Variants in IPO13 observed in about 807,000 individuals in gnomAD.
IPO13 encodes the protein importin 13.
A neutral mutation model predicts 115.5 loss-of-function variants in IPO13; 28 were observed. The observed-to-expected ratio is 0.24, with a 90% confidence interval of 0.18 to 0.33. The LOEUF (loss-of-function observed/expected upper bound fraction) is 0.33. IPO13 is among the 10% of genes least tolerant of loss of function. IPO13 has a pLI of 1.00. For missense variants in IPO13, 785 were observed against 1,204.6 expected, an observed-to-expected ratio of 0.65 and a Z score of 5.16; for synonymous variants, 414 against 478.9, an observed-to-expected ratio of 0.86 and a Z score of 1.77.
intron 14 of IPO13, 143 bp from the exon 15 acceptor site, chr1:43,964,126 A>G: frequency 3.3e-6 from 2 of 607,502 alleles, no homozygotes; most frequent in South Asian, 2.1e-5. Context: ...TGGTTTTTGT[A>G]TGTTTTGTTT....
chr1:43,967,534 A>AG lies in IPO13; in HGVS notation c.2795+43dup, dbSNP rs1464328781. 6.2e-7 allele frequency: 1 copy of AG among 1,614,050 alleles called. No homozygotes were observed. Among genetic ancestry groups the AG allele is most frequent in the Admixed American group, 1.7e-5 (1 of 60,006 alleles). On this transcript the variant is annotated intron_variant, in intron 19 of 19. Coordinates refer to ENST00000372343, the MANE Select transcript of IPO13 (RefSeq NM_014652.4). The surrounding 1 kb of genome is among the most constrained non-coding windows in gnomAD (Gnocchi z 6.1). Reference sequence around the variant, plus strand: ...GGGGTGGGCCTGGGGTCAGGCAGAGAGGGGGCAGTGGTGGTGGCTGGTGCT... The same window carrying AG: ...GGGGTGGGCCTGGGGTCAGGCAGAGAGGGGGGCAGTGGTGGTGGCTGGTGCT...
intron 2 of IPO13, among the ~76,000 whole-genome samples, chr1:43,953,787 T>A (rs2085225130): frequency 6.6e-6 from 1 of 152,086 alleles, no homozygotes; most frequent in Non-Finnish European, 1.5e-5. Flanking sequence ...GGAGGGAAAG[T>A]GAATTAGGCA....
intron 2 of IPO13, among the ~76,000 whole-genome samples, chr1:43,953,725 T>C (rs1408054708): frequency 6.6e-6 from 1 of 152,186 alleles, no homozygotes; most frequent in African/African-American, 2.4e-5. Flanking sequence ...TATTTTTTTT[T>C]CCTGAACTAT....
Position 43,966,698 on chromosome 1 carries a change from C to G in IPO13, c.2465-26C>G. 1 of 1,614,178 alleles carries G rather than the reference C, an allele frequency of 6.2e-7. No homozygotes were observed. Among genetic ancestry groups the G allele is most frequent in the Non-Finnish European group, 8.5e-7 (1 of 1,180,018 alleles). On this transcript the variant is annotated intron_variant, in intron 16 of 19. Coordinates refer to ENST00000372343, the MANE Select transcript of IPO13 (RefSeq NM_014652.4). The surrounding 1 kb of genome is among the most constrained non-coding windows in gnomAD (Gnocchi z 4.1). Reference sequence around the variant, plus strand: ...GGGCTCCCCTAGAAGGATCGTTAAACTGATCTGCCTCTGCCTTTCCCACAG... The same window carrying G: ...GGGCTCCCCTAGAAGGATCGTTAAAGTGATCTGCCTCTGCCTTTCCCACAG...
chr1:43,949,486 G>T lies in IPO13; in HGVS notation c.154G>T (p.Ala52Ser). ...CCTGGCTCAGAAGTGGCTGATGCAG[G>T]CCCAGGTCTCCCCACAGGCCTGGCA... ...KNLAQKWLMQ[A>S]QVSPQAWHFS... Residue 52 changes from alanine to serine, a missense_variant, in exon 2 of 20, where the codon GCC becomes TCC. Coordinates refer to ENST00000372343, the MANE Select transcript of IPO13 (RefSeq NM_014652.4). 6.2e-7 allele frequency: 1 copy of T among 1,614,036 alleles called. No individual in the cohort carries two copies. The highest frequency in any genetic ancestry group is 8.5e-7 in the Non-Finnish European group (1 of 1,179,978).
chr1:43,956,942 T>A lies in IPO13; in HGVS notation c.1237T>A (p.Ser413Thr). 1 of 1,614,176 alleles carries A rather than the reference T, an allele frequency of 6.2e-7. No homozygotes were observed. The highest frequency in any genetic ancestry group is 8.5e-7 in the Non-Finnish European group (1 of 1,180,020). The change falls in exon 5 of 20, where the codon TCC (serine) becomes ACC (threonine). Residue 413 changes from serine (S) to threonine (T), a missense_variant. By Grantham distance (58) the Ser-to-Thr change is moderately conservative. Transcript: ENST00000372343. This position sits in a 1 kb window ranked among gnomAD's most constrained non-coding sequence, Gnocchi z 4.7. ...FPSDEEYGFW[S>T]SDEKEQFRIY... is the part of the protein sequence containing the mutation. ...TTCTGATGAGGAATATGGATTCTGG[T>A]CCTCAGACGAGAAGGAGCAGTTCCG...
At chr1:43,965,638 A>G (rs1374254567) in intron 15 of IPO13, among the ~76,000 whole-genome samples, 1 of 151,690 alleles carries the variant, frequency 6.6e-6, no homozygotes, top group Non-Finnish European at 1.5e-5. Context: ...TGTTTGGTGT[A>G]TGACTGTGTA....
In IPO13 at chr1:43,957,221, ATGTC is replaced by A; in HGVS notation, c.1300_1303del (p.Val434MetfsTer92). The A allele has an allele frequency of 6.2e-7, 1 of 1,614,028 alleles. No homozygotes were observed. The highest frequency in any genetic ancestry group is 8.5e-7 in the Non-Finnish European group (1 of 1,179,974). On this transcript the variant is annotated frameshift_variant, in exon 6 of 20. Transcript: ENST00000372343. LOFTEE classifies it high-confidence loss of function. ...GTGGACATCTCAGACACGCTCATGT[ATGTC>A]TATGAGATGTTGGGGGCCGAGCTGC... is the stretch of plus-strand genomic sequence containing the variant.
chr1:43,966,504 G>A lies in IPO13; in HGVS notation c.2398-71G>A, dbSNP rs577666423. On this transcript the variant is annotated intron_variant, in intron 15 of 19. Coordinates refer to ENST00000372343, the MANE Select transcript of IPO13 (RefSeq NM_014652.4). This position sits in a 1 kb window ranked among gnomAD's most constrained non-coding sequence, Gnocchi z 4.1. Reference sequence around the variant, plus strand: ...GTGAGGTGTGAAGTTGGGGGCTGGGGTGGCAGGTGAGTGGGGGGGATGGTC... The same window carrying A: ...GTGAGGTGTGAAGTTGGGGGCTGGGATGGCAGGTGAGTGGGGGGGATGGTC... 38 of 1,494,488 alleles carry A rather than the reference G, an allele frequency of 2.5e-5. No individual in the cohort carries two copies. The highest frequency in any genetic ancestry group is 3.4e-5 in the Non-Finnish European group (36 of 1,073,370). 92.6% of individuals were successfully genotyped at this position (1,494,488 alleles called of 1,614,324 possible). A position where few individuals can be genotyped will look rare whatever the true frequency, so the allele number is the denominator to read the frequency against.
Position 43,966,404 on chromosome 1 carries a change from C to A in IPO13, c.2398-171C>A. 1 of 673,234 alleles carries A rather than the reference C, an allele frequency of 1.5e-6. No individual in the cohort carries two copies. The highest frequency in any genetic ancestry group is 3.4e-4 in the Middle Eastern group (1 of 2,900). 41.7% of individuals were successfully genotyped at this position (673,234 alleles called of 1,614,324 possible). A position where few individuals can be genotyped will look rare whatever the true frequency, so the allele number is the denominator to read the frequency against. On this transcript the variant is annotated intron_variant, in intron 15 of 19. Coordinates refer to ENST00000372343, the MANE Select transcript of IPO13 (RefSeq NM_014652.4). This position sits in a 1 kb window ranked among gnomAD's most constrained non-coding sequence, Gnocchi z 4.1. ...CATAGCATCCCTTGAGCTGTCCTCA[C>A]CTGACCTACTGAACTCTGAGGTGGT...
rs749573223 is a variant in IPO13 at position 43,956,692 on chromosome 1, C to T, written c.1095C>T (p.Tyr365=). The part of the protein sequence containing the change: ...TTSSLTLTFW[Y]TLQDDILSFE... ...GCTCCCTAACCCTCACCTTCTGGTA[C>T]ACACTGCAGGTGTGTCTGTGTGACC... Residue 365 remains tyrosine, a synonymous_variant, in exon 4 of 20, where the codon TAC becomes TAT. Transcript: ENST00000372343. This position sits in a 1 kb window ranked among gnomAD's most constrained non-coding sequence, Gnocchi z 4.7. The T allele has an allele frequency of 8.1e-6, 13 of 1,614,254 alleles. No individual in the cohort carries two copies. The Admixed American group carries it at 1.3e-4, about 17-fold the overall frequency.
intron 15 of IPO13, among the ~76,000 whole-genome samples, chr1:43,965,335 T>C (rs1232574659): frequency 2.0e-5 from 3 of 152,078 alleles, no homozygotes; most frequent in African/African-American, 7.2e-5. Context: ...GTGTGATACA[T>C]GCTGTACTTT....
In IPO13 at chr1:43,953,034, C is replaced by T. The variant is rs375872964; in HGVS notation, c.821+2881C>T. On this transcript the variant is annotated intron_variant, in intron 2 of 19. Transcript: ENST00000372343. ...GGGTGATGTGAGGTGTCCTTGGATA[C>T]ACCCAAGTTTACCCGCCCAGCCAGT... is the stretch of plus-strand genomic sequence containing the variant. Among the ~76,000 whole-genome samples, 336 of 152,310 alleles carry T rather than the reference C, an allele frequency of 2.2e-3. 1 individual carries two copies. Among genetic ancestry groups the T allele is most frequent in the African/African-American group, 7.7e-3 (321 of 41,572 alleles).
intron 11 of IPO13, 130 bp from the exon 12 acceptor site, chr1:43,960,119 C>G: frequency 1.3e-6 from 1 of 777,390 alleles, no homozygotes. Context: ...GGGTCCCATG[C>G]CCTGGGTCCT....
At chr1:43,953,184 A>C (rs927811425) in intron 2 of IPO13, 2 of 151,940 alleles carry the variant, frequency 1.3e-5, no homozygotes, top group Non-Finnish European at 2.9e-5. Context: ...TTGCTTAGCA[A>C]CTCTCCCCAT....
Position 43,958,650 on chromosome 1 carries a change from G to C in IPO13, c.1884+55G>C. 6.2e-7 allele frequency: 1 copy of C among 1,612,648 alleles called. No individual in the cohort carries two copies. The highest frequency in any genetic ancestry group is 8.5e-7 in the Non-Finnish European group (1 of 1,179,000). On this transcript the variant is annotated intron_variant, in intron 10 of 19. Transcript: ENST00000372343. This position sits in a 1 kb window ranked among gnomAD's most constrained non-coding sequence, Gnocchi z 6.3. ...TACTGAGATGCTGTGGCTGATGAGG[G>C]GTGAGGTTGGAGCTGGCCCTCAGAG...
Position 43,957,270 on chromosome 1 carries a change from G to C in IPO13, c.1347G>C (p.Lys449Asn), listed in dbSNP as rs373837578. 1.2e-6 allele frequency: 2 copies of C among 1,614,130 alleles called. No individual in the cohort carries two copies. Among genetic ancestry groups the C allele is most frequent in the African/African-American group, 2.7e-5 (2 of 75,026 alleles). ...AGCTGCTCAGCAACCTCTATGACAAGCTGGGTCGTTTGCTCACCAGCTCAG... is the reference window on the plus strand; with the variant it reads ...AGCTGCTCAGCAACCTCTATGACAACCTGGGTCGTTTGCTCACCAGCTCAG... Reference protein sequence around the residue: ...GAELLSNLYDKLGRLLTSSEE... With the variant: ...GAELLSNLYDNLGRLLTSSEE... Residue 449 changes from lysine to asparagine, a missense_variant, in exon 6 of 20, where the codon AAG becomes AAC. By Grantham distance (94) the Lys-to-Asn change is moderately conservative (BLOSUM62 0). Transcript: ENST00000372343.
chr1:43,955,402 G>A (rs1276836259), intron 2 of IPO13, among the ~76,000 whole-genome samples: 1 of 152,116 alleles, frequency 6.6e-6, no homozygotes, highest in Non-Finnish European at 1.5e-5. Flanking sequence ...TGGCTTTAAA[G>A]CCAAACAGAA....
In IPO13 at chr1:43,957,186, G is replaced by C; in HGVS notation, c.1272-9G>C. ...CAGGCAGTATAAAAGGCCTTCATCT[G>C]CTTCTCAGGGTGGACATCTCAGACA... is the stretch of plus-strand genomic sequence containing the variant. On this transcript the variant is annotated splice_polypyrimidine_tract_variant and intron_variant, in intron 5 of 19. Transcript: ENST00000372343. The C allele has an allele frequency of 1.2e-6, 2 of 1,612,994 alleles. No individual in the cohort carries two copies. The highest frequency in any genetic ancestry group is 1.7e-6 in the Non-Finnish European group (2 of 1,179,170).
Sources: allele counts gnomAD v4.1 joint callset (sites outside exome capture counted in the v4.1 genomes callset), GRCh38; gene constraint gnomAD v4.1.1; non-coding constraint Gnocchi (gnomAD v3.1); transcripts MANE v1.5; gene names NCBI Gene and HGNC (gene_info 2026-07-23, HGNC 2026-07-21).